Variants in ARHGEF3 observed in about 807,000 individuals in gnomAD.
ARHGEF3 encodes the protein 59.8 kDA protein.
ARHGEF3 carries 28 observed loss-of-function variants against 63.2 expected under a neutral mutation model. The observed-to-expected ratio is 0.44, with a 90% CI of 0.33 to 0.61. The LOEUF is 0.61. Ranked by LOEUF, ARHGEF3 falls within the 20% of genes least tolerant of loss-of-function variation. The pLI is 0.03. For missense variants in ARHGEF3, 533 were observed against 659.3 expected (o/e 0.81, Z 2.10); for synonymous variants, 266 against 254.2 (o/e 1.05, Z -0.44).
chr3:56,813,832 C>T (rs977755628), intron 4 of ARHGEF3, among the ~76,000 whole-genome samples: 5 of 152,158 alleles, frequency 3.3e-5, no homozygotes, highest in African/African-American at 1.2e-4. Flanking sequence ...CCAAACACCA[C>T]ATCCTTTTCC....
intron 2 of ARHGEF3, among the ~76,000 whole-genome samples, chr3:56,995,706 A>C (rs35303658): frequency 0.26 from 39,317 of 149,142 alleles, 6,196 homozygotes; most frequent in Middle Eastern, 0.39. Context: ...TTGAGACCCC[A>C]GTAGAGAGAA....
At chr3:56,887,401 A>G (rs2040959555) in intron 3 of ARHGEF3, among the ~76,000 whole-genome samples, 1 of 152,144 alleles carries the variant, frequency 6.6e-6, no homozygotes, top group African/African-American at 2.4e-5. Flanking sequence ...GGGAGGTATC[A>G]GGAGGAGGCT....
chr3:56,973,649 G>C (rs1234038102), intron 2 of ARHGEF3, among the ~76,000 whole-genome samples: 1 of 152,174 alleles, frequency 6.6e-6, no homozygotes, highest in Non-Finnish European at 1.5e-5. Context: ...AGTGAAGACA[G>C]TGCTTCAAAG....
At chr3:56,859,317 T>G (rs185124107) in intron 4 of ARHGEF3, among the ~76,000 whole-genome samples, 1 of 151,674 alleles carries the variant, frequency 6.6e-6, no homozygotes, top group Non-Finnish European at 1.5e-5. Flanking sequence ...TTTTGTATTT[T>G]TTTAGTAGAG....
chr3:56,838,504 A>G (rs2039197425), intron 4 of ARHGEF3, among the ~76,000 whole-genome samples: 1 of 152,216 alleles, frequency 6.6e-6, no homozygotes, highest in African/African-American at 2.4e-5. Flanking sequence ...ACACACAGTA[A>G]TGTTCTCCAT....
At chr3:56,987,728 C>A (rs13091148) in intron 2 of ARHGEF3, among the ~76,000 whole-genome samples, 21,035 of 152,166 alleles carry the variant, frequency 0.14, 1,949 homozygotes, top group Non-Finnish European at 0.2. Flanking sequence ...ACTCCCCCTA[C>A]CGTGCACAGC....
At chr3:57,033,732 A>T (rs1703831932) in intron 2 of ARHGEF3, among the ~76,000 whole-genome samples, 1 of 152,106 alleles carries the variant, frequency 6.6e-6, no homozygotes, top group African/African-American at 2.4e-5. Flanking sequence ...AGGAAAATCT[A>T]TTTATTTATT....
At chr3:56,780,324 G>A (rs972772428) in intron 1 of ARHGEF3, among the ~76,000 whole-genome samples, 2 of 152,132 alleles carry the variant, frequency 1.3e-5, no homozygotes, top group African/African-American at 4.8e-5. Flanking sequence ...CTTAATATGA[G>A]CATACTCTTT....
intron 4 of ARHGEF3, among the ~76,000 whole-genome samples, chr3:56,877,375 C>CT (rs1560014177): frequency 8.2e-6 from 1 of 121,856 alleles, no homozygotes; most frequent in Non-Finnish European, 1.8e-5. Flanking sequence ...GTACTATAAT[C>CT]CTTTTTTTTT....
At chr3:56,810,330 G>A (rs541828585) in intron 4 of ARHGEF3, among the ~76,000 whole-genome samples, 4 of 152,118 alleles carry the variant, frequency 2.6e-5, no homozygotes, top group African/African-American at 4.8e-5. Context: ...GATCATTTGA[G>A]CCCAGGAGTT....
chr3:56,929,346 C>A (rs1344875372), intron 3 of ARHGEF3, among the ~76,000 whole-genome samples: 1 of 152,210 alleles, frequency 6.6e-6, no homozygotes, highest in African/African-American at 2.4e-5. Flanking sequence ...GGTTTACATG[C>A]CAATTTCCAT....
chr3:56,857,841 C>A (rs992169295), intron 4 of ARHGEF3, among the ~76,000 whole-genome samples: 9 of 152,322 alleles, frequency 5.9e-5, no homozygotes, highest in South Asian at 2.1e-4. Flanking sequence ...CAGCCTCAAA[C>A]TCCTGGGTTC....
chr3:56,856,416 C>A (rs2039883553), intron 4 of ARHGEF3, among the ~76,000 whole-genome samples: 1 of 152,152 alleles, frequency 6.6e-6, no homozygotes, highest in Non-Finnish European at 1.5e-5. Context: ...TCTAATACTG[C>A]AATTTTACTT....
At chr3:56,761,323 G>C in intron 2 of ARHGEF3, among the ~76,000 whole-genome samples, 1 of 151,782 alleles carries the variant, frequency 6.6e-6, no homozygotes, top group East Asian at 1.9e-4. Context: ...GTTGAGGGAG[G>C]AACAGGCAAC....
chr3:56,951,703 TC>T, intron 3 of ARHGEF3, among the ~76,000 whole-genome samples: 1 of 152,062 alleles, frequency 6.6e-6, no homozygotes, highest in Non-Finnish European at 1.5e-5. Flanking sequence ...CCTATTCTGA[TC>T]CATTAACTGT....
chr3:57,011,407 C>T (rs1177759189), intron 2 of ARHGEF3, among the ~76,000 whole-genome samples: 1 of 152,156 alleles, frequency 6.6e-6, no homozygotes, highest in Non-Finnish European at 1.5e-5. Flanking sequence ...CAAATATATA[C>T]GTCTCCTCTT....
intron 1 of ARHGEF3, among the ~76,000 whole-genome samples, chr3:56,795,655 C>CTCTCTTTTTT (rs57400467): frequency 7.7e-6 from 1 of 130,544 alleles, no homozygotes; most frequent in African/African-American, 2.9e-5. Flanking sequence ...GTCTCTCTCT[C>CTCTCTTTTTT]TTTTTTTTTT....
intron 7 of ARHGEF3, among the ~76,000 whole-genome samples, chr3:56,744,180 G>T (rs1470135141): frequency 1.3e-5 from 2 of 152,032 alleles, no homozygotes; most frequent in Non-Finnish European, 2.9e-5. Context: ...GACCTGTCCT[G>T]TCATTTCCTT....
At position 56,984,204 on chromosome 3, in the gene ARHGEF3, C is replaced by G. The variant is rs576232340; in HGVS notation, c.63-25315G>C. 7.0e-4 allele frequency among the ~76,000 whole-genome samples: 106 copies of G among 152,320 alleles called. 1 individual carries two copies. The highest frequency in any genetic ancestry group is 2.4e-3 in the African/African-American group (100 of 41,574). The stretch of plus-strand genomic sequence containing the variant: ...GTCAAAACCACACCGTGGGCTGCAG[C>G]CCCCTGCCCACCACCCAGAGACCCC... On this transcript the variant is annotated intron_variant, in intron 2 of 12. Transcript: ENST00000338458.
Sources: allele counts gnomAD v4.1 joint callset (sites outside exome capture counted in the v4.1 genomes callset), GRCh38; gene constraint gnomAD v4.1.1; transcripts MANE v1.5; gene names NCBI Gene and HGNC (gene_info 2026-07-23, HGNC 2026-07-21).